Variants in FPR3 observed in about 807,000 individuals in gnomAD.
FPR3 encodes N-formyl peptide receptor 3.
For synonymous variants in FPR3, 135 were observed against 163.6 expected (o/e 0.83, Z 1.34); for missense variants, 346 against 443.2 (o/e 0.78, Z 1.97).
intron 1 of FPR3, among the ~76,000 whole-genome samples, chr19:51,816,200 C>T (rs997441469): frequency 2.0e-5 from 3 of 152,192 alleles, no homozygotes; most frequent in Non-Finnish European, 4.4e-5. Context: ...CTCTCCCTTG[C>T]TATATACTTG....
chr19:51,808,184 G>C (rs974535514), intron 1 of FPR3, among the ~76,000 whole-genome samples: 1 of 152,186 alleles, frequency 6.6e-6, no homozygotes, highest in African/African-American at 2.4e-5. Context: ...TAAGTTGATA[G>C]GTAGCAATAC....
At chr19:51,811,731 GGAA>G (rs1310184122) in intron 1 of FPR3, 8 of 152,252 alleles carry the variant, frequency 5.3e-5, no homozygotes, top group Non-Finnish European at 1.2e-4. Context: ...GAGTATCTCT[GGAA>G]GAAGGAGTTA....
chr19:51,818,410 G>T (rs2084160359), intron 1 of FPR3, among the ~76,000 whole-genome samples: 1 of 152,118 alleles, frequency 6.6e-6, no homozygotes, highest in Non-Finnish European at 1.5e-5. Context: ...GTTTCCATTG[G>T]ACAGTGCTAT....
chr19:51,796,421 C>T (rs771257507), intron 1 of FPR3, among the ~76,000 whole-genome samples: 9 of 152,166 alleles, frequency 5.9e-5, no homozygotes, highest in Non-Finnish European at 1.3e-4. Context: ...TGGAAGCCAT[C>T]GGAAGGTATT....
chr19:51,807,627 A>G (rs2084069074), intron 1 of FPR3, among the ~76,000 whole-genome samples: 1 of 152,224 alleles, frequency 6.6e-6, no homozygotes, highest in East Asian at 1.9e-4. Context: ...TGGAAGAGCC[A>G]TCAGTAAAAT....
At chr19:51,820,463 T>C (rs895773620) in intron 1 of FPR3, among the ~76,000 whole-genome samples, 3 of 152,186 alleles carry the variant, frequency 2.0e-5, no homozygotes, top group Non-Finnish European at 4.4e-5. Flanking sequence ...TCAGTACAGG[T>C]ATCATCTCTG....
intron 1 of FPR3, among the ~76,000 whole-genome samples, chr19:51,805,487 G>A (rs2084052290): frequency 1.3e-5 from 2 of 152,076 alleles, no homozygotes; most frequent in African/African-American, 4.8e-5. Flanking sequence ...CTTGCAAATG[G>A]GCTTTCACAA....
chr19:51,814,092 G>A (rs1210506298), intron 1 of FPR3, among the ~76,000 whole-genome samples: 2 of 152,058 alleles, frequency 1.3e-5, no homozygotes, highest in Non-Finnish European at 2.9e-5. Context: ...TTCCTTCTTG[G>A]TTTATGTGCT....
At chr19:51,821,611 G>C (rs77872826) in intron 1 of FPR3, among the ~76,000 whole-genome samples, 4,324 of 152,168 alleles carry the variant, frequency 0.028, 162 homozygotes, top group African/African-American at 0.087. Flanking sequence ...AAGAGAGAAA[G>C]GGAAAGGAGG....
Position 51,824,196 on chromosome 19 carries a change from T to C in FPR3, c.448T>C (p.Trp150Arg). The C allele has an allele frequency of 1.2e-6, 2 of 1,614,178 alleles. No homozygotes were observed. The highest frequency in any genetic ancestry group is 1.3e-5 in the African/African-American group (1 of 75,056). The change falls in exon 2 of 2, where the codon TGG becomes CGG. Residue 150 changes from tryptophan to arginine, a missense_variant. Trp to Arg is a moderately radical substitution (Grantham distance 101). Coordinates refer to ENST00000339223, the MANE Select transcript of FPR3 (RefSeq NM_002030.5). This position sits in a 1 kb window ranked among gnomAD's most constrained non-coding sequence, Gnocchi z 4.7. ...GGCCAAGAGGGTGATGACGGGACTC[T>C]GGATTTTCACCATAGTCCTTACCTT... ...SLAKRVMTGL[W>R]IFTIVLTLPN...
At position 51,824,750 on chromosome 19, in the gene FPR3, C is replaced by G. The variant is rs2084219490; in HGVS notation, c.1002C>G (p.Thr334=). 2 of 1,613,866 alleles carry G rather than the reference C, an allele frequency of 1.2e-6. No individual in the cohort carries two copies. The highest frequency in any genetic ancestry group is 1.3e-5 in the African/African-American group (1 of 74,876). Reference sequence around the variant, plus strand: ...CTGAGGTCCCTGACTCAGCCCAGACCAGCAACACAGACACCACTTCTGCTT... The same window carrying G: ...CTGAGGTCCCTGACTCAGCCCAGACGAGCAACACAGACACCACTTCTGCTT... ...ALTEVPDSAQ[T]SNTDTTSASP... The change falls in exon 2 of 2, where the codon ACC becomes ACG. Residue 334 remains threonine, a synonymous_variant. Transcript: ENST00000339223. This position sits in a 1 kb window ranked among gnomAD's most constrained non-coding sequence, Gnocchi z 4.7.
chr19:51,809,048 T>C (rs2084080122), intron 1 of FPR3, among the ~76,000 whole-genome samples: 1 of 152,246 alleles, frequency 6.6e-6, no homozygotes, highest in South Asian at 2.1e-4. Flanking sequence ...TTACTGATAT[T>C]GGGTTAGGAT....
At position 51,823,866 on chromosome 19, in the gene FPR3, G is replaced by T. The variant is rs758185337; in HGVS notation, c.118G>T (p.Gly40Trp). 1.2e-6 allele frequency: 2 copies of T among 1,613,996 alleles called. No homozygotes were observed. Among genetic ancestry groups the T allele is most frequent in the South Asian group, 1.1e-5 (1 of 91,084 alleles). ...AGTCCACGGAGTCACCTTTGTCTTC[G>T]GGGTCCTGGGCAATGGGCTTGTGAT... ...LLVHGVTFVF[G>W]VLGNGLVIWV... The change falls in exon 2 of 2, where the codon GGG becomes TGG. Residue 40 changes from glycine (G) to tryptophan (W), a missense_variant. Coordinates refer to ENST00000339223, the MANE Select transcript of FPR3 (RefSeq NM_002030.5).
intron 1 of FPR3, chr19:51,805,340 G>T (rs998100503): frequency 6.6e-6 from 1 of 152,212 alleles, no homozygotes; most frequent in Non-Finnish European, 1.5e-5. Flanking sequence ...AGGTCCAAGG[G>T]TTGAGGCTCT....
intron 1 of FPR3, among the ~76,000 whole-genome samples, chr19:51,797,885 T>TG (rs2122407574): frequency 7.7e-6 from 1 of 130,406 alleles, no homozygotes; most frequent in South Asian, 2.8e-4. Flanking sequence ...TTCTTTTTTT[T>TG]TTTTTTTTTT....
chr19:51,824,976 A>G lies in FPR3; in HGVS notation c.*166A>G, dbSNP rs78264952. On this transcript the variant is annotated 3_prime_UTR_variant, in exon 2 of 2. Coordinates refer to ENST00000339223, the MANE Select transcript of FPR3 (RefSeq NM_002030.5). The surrounding 1 kb of genome is among the most constrained non-coding windows in gnomAD (Gnocchi z 4.7). ...GGGGTTTTTCCCACAACCAAGCAAT[A>G]GACACCAGCTGGGTGTCCTACAATT... The G allele has an allele frequency of 0.017, 10,554 of 615,522 alleles. 486 individuals are homozygous for G. Among genetic ancestry groups the G allele is most frequent in the African/African-American group, 0.13 (7,026 of 53,900 alleles). The allele number at this position is 615,522 out of a possible 1,614,324, so 38.1% of individuals were successfully genotyped here. A position where few individuals can be genotyped will look rare whatever the true frequency, so the allele number is the denominator to read the frequency against.
intron 1 of FPR3, chr19:51,817,676 T>G (rs1248057378): frequency 6.6e-6 from 1 of 152,170 alleles, no homozygotes; most frequent in Non-Finnish European, 1.5e-5. Flanking sequence ...GGCATTCTGT[T>G]TTGAGGGATG....
intron 1 of FPR3, among the ~76,000 whole-genome samples, chr19:51,819,915 G>A (rs764559694): frequency 4.1e-4 from 63 of 152,074 alleles, no homozygotes; most frequent in Non-Finnish European, 8.1e-4. Flanking sequence ...GAAAGCAGAA[G>A]GACAAATACC....
At position 51,824,352 on chromosome 19, in the gene FPR3, C is replaced by G; in HGVS notation, c.604C>G (p.Leu202Val). Residue 202 changes from leucine (L) to valine (V), a missense_variant, in exon 2 of 2, where the codon CTG (leucine) becomes GTG (valine). Coordinates refer to ENST00000339223, the MANE Select transcript of FPR3 (RefSeq NM_002030.5). This position sits in a 1 kb window ranked among gnomAD's most constrained non-coding sequence, Gnocchi z 4.7. ...NVFITMAKVF[L>V]ILHFIIGFSV... is the part of the protein sequence containing the mutation. ...GTTCATTACCATGGCCAAGGTCTTT[C>G]TGATCCTCCACTTCATTATTGGCTT... The G allele has an allele frequency of 1.9e-6, 3 of 1,614,156 alleles. No individual in the cohort carries two copies. The South Asian group carries it at 3.3e-5, about 18-fold the overall frequency.
Sources: gnomAD v4.1 joint callset for allele counts (sites outside exome capture counted in the v4.1 genomes callset) on GRCh38, gnomAD v4.1.1 for gene constraint, Gnocchi (gnomAD v3.1) non-coding constraint, MANE v1.5 for transcripts, NCBI Gene and HGNC (gene_info 2026-07-23, HGNC 2026-07-21) for gene names.